Variants in NRXN3 observed in about 807,000 individuals in gnomAD.
NRXN3 encodes neurexin 3, also known as neurexin III.
Under a neutral mutation model 137.6 loss-of-function variants are expected in NRXN3, and 32 were observed. The ratio of observed to expected loss-of-function variants is 0.23; its 90% confidence interval spans 0.18 to 0.31. The LOEUF is 0.31. Among genes scored for constraint, NRXN3 ranks in the 10% least tolerant of loss-of-function variants. NRXN3 has a pLI of 1.00. For synonymous variants in NRXN3, 798 were observed against 784.5 expected, an observed-to-expected ratio of 1.02 and a Z score of -0.29; for missense variants, 1,574 against 2,062.5, an observed-to-expected ratio of 0.76 and a Z score of 4.59.
At chr14:79,566,063 G>A (rs1011055900) in intron 16 of NRXN3, among the ~76,000 whole-genome samples, 4 of 152,080 alleles carry the variant, frequency 2.6e-5, no homozygotes, top group African/African-American at 9.7e-5. Context: ...GACAGTCGGA[G>A]GGGAATGCAT....
intron 4 of NRXN3, among the ~76,000 whole-genome samples, chr14:78,610,072 T>C (rs1342983189): frequency 1.3e-5 from 2 of 151,068 alleles, no homozygotes; most frequent in Non-Finnish European, 3.0e-5. Context: ...AGAAAGAAAG[T>C]GACAAATTAG....
intron 16 of NRXN3, among the ~76,000 whole-genome samples, chr14:79,579,324 G>A (rs900898272): frequency 2.8e-5 from 4 of 141,622 alleles, no homozygotes; most frequent in East Asian, 2.5e-4. Context: ...AAATGTGTAC[G>A]TATGTGTGAG....
intron 19 of NRXN3, among the ~76,000 whole-genome samples, chr14:79,802,435 A>G (rs2099185623): frequency 1.3e-5 from 2 of 152,082 alleles, no homozygotes; most frequent in South Asian, 4.1e-4. Flanking sequence ...CCCTTTTCCC[A>G]CAACATTTCA....
chr14:78,456,827 T>TTCTTTCTTTCTC (rs1290552294), intron 4 of NRXN3, among the ~76,000 whole-genome samples: 20 of 127,790 alleles, frequency 1.6e-4, no homozygotes, highest in African/African-American at 4.7e-4. Flanking sequence ...CTTTCTTTCT[T>TTCTTTCTTTCTC]TCTTTCTTTC....
At chr14:79,738,750 G>C (rs549645269) in intron 19 of NRXN3, among the ~76,000 whole-genome samples, 1 of 152,080 alleles carries the variant, frequency 6.6e-6, no homozygotes, top group East Asian at 1.9e-4. Flanking sequence ...ATAGAGACAG[G>C]GTTTCACCAT....
chr14:78,711,287 C>A (rs922953266), intron 7 of NRXN3, among the ~76,000 whole-genome samples: 4 of 151,862 alleles, frequency 2.6e-5, no homozygotes, highest in Non-Finnish European at 4.4e-5. Flanking sequence ...GTTCCTAATA[C>A]AAATTTTTCT....
intron 15 of NRXN3, among the ~76,000 whole-genome samples, chr14:79,317,882 G>A (rs2089186449): frequency 6.6e-6 from 1 of 152,136 alleles, no homozygotes; most frequent in African/African-American, 2.4e-5. Flanking sequence ...TTGGGAGTGG[G>A]CTGAATCCAC....
intron 15 of NRXN3, among the ~76,000 whole-genome samples, chr14:79,273,190 A>T (rs1263458149): frequency 6.6e-6 from 1 of 150,874 alleles, no homozygotes; most frequent in Non-Finnish European, 1.5e-5. Context: ...AAAAAAAAAA[A>T]AAAAAAAAAA....
At position 78,954,781 on chromosome 14, in the gene NRXN3, T is replaced by G. The variant is rs1485803719; in HGVS notation, c.2276-2461T>G. ...CACCTGGCCTGGTTTTTTTTTTTTTTTTTTTTTTTACATTTTTATTCATTG... is the reference window on the plus strand; with the variant it reads ...CACCTGGCCTGGTTTTTTTTTTTTTGTTTTTTTTTACATTTTTATTCATTG... On this transcript the variant is annotated intron_variant, in intron 10 of 20. Transcript: ENST00000335750. 8.6e-5 allele frequency among the ~76,000 whole-genome samples: 13 copies of G among 151,380 alleles called. 1 individual carries two copies. The highest frequency in any genetic ancestry group is 5.8e-4 in the East Asian group (3 of 5,176).
At position 78,858,635 on chromosome 14, in the gene NRXN3, T is replaced by C. The variant is rs965489765; in HGVS notation, c.2275+48291T>C. ...CCTCAACTACTTAGAAATGCTACTC[T>C]GTCTCACCCTGACATTTGATCTTTG... On this transcript the variant is annotated intron_variant, in intron 10 of 20. Coordinates refer to ENST00000335750, the MANE Select transcript of NRXN3 (RefSeq NM_001330195.2). Among the ~76,000 whole-genome samples the C allele has an allele frequency of 2.0e-5, 3 of 152,364 alleles. No individual in the cohort carries two copies. In the East Asian group the frequency reaches 5.8e-4, roughly 29 times the overall value.
intron 16 of NRXN3, among the ~76,000 whole-genome samples, chr14:79,474,991 T>C (rs2096547354): frequency 6.6e-6 from 1 of 152,090 alleles, no homozygotes; most frequent in African/African-American, 2.4e-5. Context: ...TCTCCTTGGG[T>C]ACCAGATAAA....
chr14:78,368,316 G>A (rs1416013351), intron 4 of NRXN3, among the ~76,000 whole-genome samples: 1 of 152,162 alleles, frequency 6.6e-6, no homozygotes, highest in East Asian at 1.9e-4. Context: ...TTACTTGCAG[G>A]CGCAACACCA....
In NRXN3 at chr14:78,770,561, A is replaced by G. The variant is rs150586088; in HGVS notation, c.2045-33059A>G. On this transcript the variant is annotated intron_variant, in intron 8 of 20. Coordinates refer to ENST00000335750, the MANE Select transcript of NRXN3 (RefSeq NM_001330195.2). The stretch of plus-strand genomic sequence containing the variant: ...GAACATAGTGGCCAAAGGGCTGAAT[A>G]GATATGAGCATTTGAGAGTAAAATG... Among the ~76,000 whole-genome samples, 18 of 152,352 alleles carry G rather than the reference A, an allele frequency of 1.2e-4. No homozygotes were observed. The East Asian group carries it at 2.9e-3, about 25-fold the overall frequency.
chr14:78,561,660 C>A (rs950109588), intron 4 of NRXN3, among the ~76,000 whole-genome samples: 3 of 152,148 alleles, frequency 2.0e-5, no homozygotes, highest in African/African-American at 7.2e-5. Flanking sequence ...ATTTTCAGTC[C>A]TACTCTACCT....
intron 16 of NRXN3, among the ~76,000 whole-genome samples, chr14:79,650,863 C>T (rs1025818666): frequency 2.0e-5 from 3 of 152,128 alleles, no homozygotes; most frequent in South Asian, 2.1e-4. Context: ...GGTTGAAGTA[C>T]AGCCAACTCA....
intron 15 of NRXN3, among the ~76,000 whole-genome samples, chr14:79,149,494 T>G (rs2059607419): frequency 6.6e-6 from 1 of 152,086 alleles, no homozygotes; most frequent in Non-Finnish European, 1.5e-5. Flanking sequence ...AAGTGCTCTA[T>G]GACATTACTG....
At chr14:78,229,139 G>C (rs972657855) in intron 1 of NRXN3, among the ~76,000 whole-genome samples, 1 of 152,122 alleles carries the variant, frequency 6.6e-6, no homozygotes, top group Non-Finnish European at 1.5e-5. Context: ...ACTGTTCTTT[G>C]GGACTCTGTA....
intron 4 of NRXN3, among the ~76,000 whole-genome samples, chr14:78,412,813 G>T (rs996765404): frequency 6.6e-6 from 1 of 152,166 alleles, no homozygotes; most frequent in South Asian, 2.1e-4. Flanking sequence ...ATTTGGAAGT[G>T]ATTTCCTTTG....
intron 19 of NRXN3, among the ~76,000 whole-genome samples, chr14:79,744,047 T>C (rs996665345): frequency 2.0e-4 from 30 of 152,214 alleles, no homozygotes; most frequent in Non-Finnish European, 3.2e-4. Context: ...TTACATTGTA[T>C]AGAGTTTCAT....
Sources: allele counts gnomAD v4.1 joint callset (sites outside exome capture counted in the v4.1 genomes callset), GRCh38; gene constraint gnomAD v4.1.1; transcripts MANE v1.5; gene names NCBI Gene and HGNC (gene_info 2026-07-23, HGNC 2026-07-21).